The following DOCK1 variants were observed in gnomAD, a reference collection of about 807,000 sequenced individuals.
DOCK1 encodes the protein dedicator of cytokinesis protein 1.
In DOCK1, 138 loss-of-function variants were observed where a neutral mutation model predicts 262.7. The observed-to-expected ratio is 0.53, with a 90% CI of 0.46 to 0.61. The LOEUF is 0.61. Among genes scored for constraint, DOCK1 ranks in the 20% least tolerant of loss-of-function variants. The pLI is 0.00. For synonymous variants in DOCK1, 866 were observed against 867.4 expected (o/e 1.00, Z 0.03); for missense variants, 1,908 against 2,370.7 (o/e 0.80, Z 4.05).
chr10:127,226,138 C>T (rs1458285089), intron 27 of DOCK1, among the ~76,000 whole-genome samples: 1 of 151,696 alleles, frequency 6.6e-6, no homozygotes, highest in Admixed American at 6.6e-5. Flanking sequence ...AGTGATCACC[C>T]AAGTTGTTGG....
chr10:127,023,984 G>T (rs900656868), intron 14 of DOCK1, among the ~76,000 whole-genome samples: 2 of 152,132 alleles, frequency 1.3e-5, no homozygotes, highest in Admixed American at 1.3e-4. Context: ...TCTACCTACC[G>T]GCGATCATGA....
rs548156472 is a variant in DOCK1, at chr10:126,925,664, G to A, written c.46+20101G>A. Among the ~76,000 whole-genome samples the A allele has an allele frequency of 2.0e-5, 3 of 152,206 alleles. No individual in the cohort carries two copies. In the East Asian group the frequency reaches 5.8e-4, roughly 29 times the overall value. ...CCCAAAGTGCTGGGATTACAGGCGT[G>A]AGCCACCCTGGCCGGCCTTATGTGA... is the stretch of plus-strand genomic sequence containing the variant. On this transcript the variant is annotated intron_variant, in intron 1 of 51. Coordinates refer to ENST00000623213, the MANE Select transcript of DOCK1 (RefSeq NM_001290223.2).
intron 1 of DOCK1, among the ~76,000 whole-genome samples, chr10:126,918,983 G>GGATTTGGAGGAGGAGAAAGTCAAGGTGC (rs1554955675): frequency 1.5e-4 from 23 of 152,092 alleles, no homozygotes; most frequent in East Asian, 7.8e-4. Flanking sequence ...AGAAAGCCGA[G>GGATTTGGAGGAGGAGAAAGTCAAGGTGC]AGGGAGTGTG....
intron 29 of DOCK1, among the ~76,000 whole-genome samples, chr10:127,306,701 A>C (rs528927315): frequency 6.6e-6 from 1 of 152,196 alleles, no homozygotes; most frequent in South Asian, 2.1e-4. Flanking sequence ...GTTTATACTG[A>C]CTACATTACG....
chr10:127,295,857 G>A (rs1301250220), intron 29 of DOCK1, among the ~76,000 whole-genome samples: 1 of 152,200 alleles, frequency 6.6e-6, no homozygotes, highest in Non-Finnish European at 1.5e-5. Context: ...GGTGATGGGT[G>A]TAACTAGAGT....
chr10:127,314,629 A>T (rs1425671134), intron 29 of DOCK1, among the ~76,000 whole-genome samples: 1 of 152,222 alleles, frequency 6.6e-6, no homozygotes, highest in Non-Finnish European at 1.5e-5. Context: ...TGAAAATTAG[A>T]GGTCACAATG....
intron 1 of DOCK1, among the ~76,000 whole-genome samples, chr10:126,929,087 G>A (rs1416162259): frequency 2.6e-5 from 4 of 152,200 alleles, no homozygotes; most frequent in African/African-American, 4.8e-5. Context: ...GGTACAGGTG[G>A]AATTCCATGG....
At chr10:127,235,665 T>G (rs1487239692) in intron 27 of DOCK1, among the ~76,000 whole-genome samples, 1 of 152,124 alleles carries the variant, frequency 6.6e-6, no homozygotes, top group East Asian at 1.9e-4. Context: ...CGTGGTTGGG[T>G]CATGAGGTGA....
At chr10:127,025,517 G>A (rs1252589037) in intron 15 of DOCK1, among the ~76,000 whole-genome samples, 4 of 152,086 alleles carry the variant, frequency 2.6e-5, no homozygotes, top group Non-Finnish European at 4.4e-5. Context: ...TGCAATCTCG[G>A]CTCACTGCAA....
chr10:127,009,984 T>C (rs1335304472), intron 11 of DOCK1, among the ~76,000 whole-genome samples: 4 of 152,188 alleles, frequency 2.6e-5, no homozygotes, highest in Non-Finnish European at 5.9e-5. Flanking sequence ...TACAGCTCAG[T>C]AGGAGATTTT....
At chr10:127,015,416 T>C (rs7902550) in intron 12 of DOCK1, among the ~76,000 whole-genome samples, 61,399 of 151,866 alleles carry the variant, frequency 0.4, 12,689 homozygotes, top group African/African-American at 0.48. Context: ...GTCCCAGTTT[T>C]CCATTTCCCC....
rs1228454713 is a variant in DOCK1 at position 127,450,443 on chromosome 10, T to C, written c.5566-889T>C. 4.6e-5 allele frequency among the ~76,000 whole-genome samples: 7 copies of C among 152,368 alleles called. No homozygotes were observed. In the South Asian group the frequency reaches 1.2e-3, roughly 27 times the overall value. ...GCATGCTCCCACTTACCCTGGTCTG[T>C]TCACTTCTTCATTCATTTGTTTACT... On this transcript the variant is annotated intron_variant, in intron 51 of 51. Transcript: ENST00000623213.
chr10:127,203,800 G>T (rs2057584082), intron 27 of DOCK1, among the ~76,000 whole-genome samples: 1 of 151,934 alleles, frequency 6.6e-6, no homozygotes, highest in Admixed American at 6.6e-5. Flanking sequence ...CTAAATGTGT[G>T]TGCACCCCTC....
intron 27 of DOCK1, among the ~76,000 whole-genome samples, chr10:127,236,500 G>GTT (rs771387854): frequency 0.074 from 4,915 of 66,640 alleles, 538 homozygotes; most frequent in African/African-American, 0.094. Context: ...CTTGACACGG[G>GTT]TTTTTTTTTT....
At chr10:127,407,074 G>A (rs1280226361) in intron 40 of DOCK1, among the ~76,000 whole-genome samples, 1 of 151,714 alleles carries the variant, frequency 6.6e-6, no homozygotes, top group Non-Finnish European at 1.5e-5. Context: ...TTCCATAATG[G>A]TACTTCTAAG....
chr10:126,978,419 C>T (rs1374832666), intron 3 of DOCK1, among the ~76,000 whole-genome samples: 1 of 152,176 alleles, frequency 6.6e-6, no homozygotes, highest in Admixed American at 6.5e-5. Context: ...TGTTTTTACT[C>T]TGCCTAAGTC....
intron 29 of DOCK1, among the ~76,000 whole-genome samples, chr10:127,321,115 A>C (rs1407670360): frequency 2.6e-5 from 4 of 152,054 alleles, no homozygotes. Flanking sequence ...CTTGCTGTTA[A>C]GTGCTCTTGT....
At chr10:127,097,546 C>T (rs1294709036) in intron 23 of DOCK1, among the ~76,000 whole-genome samples, 2 of 152,058 alleles carry the variant, frequency 1.3e-5, no homozygotes, top group African/African-American at 2.4e-5. Context: ...GTGCATGGGA[C>T]CCAGGTATGT....
At chr10:127,189,577 A>G (rs2134074787) in intron 27 of DOCK1, among the ~76,000 whole-genome samples, 1 of 152,390 alleles carries the variant, frequency 6.6e-6, no homozygotes, top group African/African-American at 2.4e-5. Context: ...TTAAATGAGG[A>G]TATGAATGAC....
Sources: gnomAD v4.1 joint callset for allele counts (sites outside exome capture counted in the v4.1 genomes callset) on GRCh38, gnomAD v4.1.1 for gene constraint, MANE v1.5 for transcripts, NCBI Gene and HGNC (gene_info 2026-07-23, HGNC 2026-07-21) for gene names.